Variants in SYT16 observed in about 807,000 individuals in gnomAD.
The protein encoded by SYT16 is synaptotagmin 16.
In SYT16, 42 loss-of-function variants were observed where a neutral mutation model predicts 61.4. The ratio of observed to expected loss-of-function variants is 0.68; its 90% CI spans 0.53 to 0.89. SYT16 has a LOEUF of 0.89. Among genes scored for constraint, SYT16 ranks in the 40% least tolerant of loss-of-function variants. The pLI is 0.00. For synonymous variants in SYT16, 314 were observed against 302.3 expected (o/e 1.04, Z -0.40); for missense variants, 804 against 807.3 (o/e 1.00, Z 0.05).
chr14:61,952,691 A>G (rs963674929), intron 1 of SYT16, among the ~76,000 whole-genome samples: 2 of 152,140 alleles, frequency 1.3e-5, no homozygotes, highest in African/African-American at 4.8e-5. Flanking sequence ...TTGAAAAATG[A>G]TTGGTTGCTA....
intron 3 of SYT16, among the ~76,000 whole-genome samples, chr14:62,042,320 A>G (rs556578539): frequency 3.3e-5 from 5 of 152,124 alleles, no homozygotes; most frequent in Non-Finnish European, 7.4e-5. Flanking sequence ...TTTTGATTGA[A>G]TATCACACAT....
intron 2 of SYT16, among the ~76,000 whole-genome samples, chr14:61,983,538 T>C (rs769396173): frequency 6.6e-6 from 1 of 152,198 alleles, no homozygotes; most frequent in Non-Finnish European, 1.5e-5. Flanking sequence ...TCTGTTTTTG[T>C]TTTTAGAGAT....
At chr14:62,067,600 A>G (rs1446897335) in intron 3 of SYT16, among the ~76,000 whole-genome samples, 1 of 152,176 alleles carries the variant, frequency 6.6e-6, no homozygotes, top group Non-Finnish European at 1.5e-5. Flanking sequence ...AACACAAAAG[A>G]CATCGTGTGT....
chr14:62,011,855 A>AGT (rs1320057949), intron 3 of SYT16, among the ~76,000 whole-genome samples: 31 of 140,274 alleles, frequency 2.2e-4, no homozygotes, highest in African/African-American at 8.3e-4. Context: ...GTCTACCACA[A>AGT]GTCAGGGAAC....
intron 2 of SYT16, among the ~76,000 whole-genome samples, chr14:61,988,342 G>A (rs1473529600): frequency 6.6e-6 from 1 of 152,146 alleles, no homozygotes; most frequent in African/African-American, 2.4e-5. Context: ...TAAAAATATT[G>A]TGTCATTAAA....
intron 2 of SYT16, among the ~76,000 whole-genome samples, chr14:61,972,253 G>A (rs894413534): frequency 6.6e-6 from 1 of 152,194 alleles, no homozygotes; most frequent in Non-Finnish European, 1.5e-5. Context: ...ATTAAAGTTG[G>A]TGATGTTTTC....
intron 7 of SYT16, among the ~76,000 whole-genome samples, chr14:62,100,034 A>G (rs374137794): frequency 5.3e-5 from 8 of 152,362 alleles, no homozygotes; most frequent in African/African-American, 1.4e-4. Flanking sequence ...CAAAATGTGT[A>G]TATTTATCTT....
At chr14:61,878,922 G>A (rs928184698) in intron 1 of SYT16, among the ~76,000 whole-genome samples, 1 of 152,142 alleles carries the variant, frequency 6.6e-6, no homozygotes, top group African/African-American at 2.4e-5. Flanking sequence ...TTTATCTAGA[G>A]GCAATGTCTA....
intron 1 of SYT16, among the ~76,000 whole-genome samples, chr14:61,875,424 G>A (rs1878385666): frequency 1.3e-5 from 2 of 152,200 alleles, no homozygotes; most frequent in South Asian, 2.1e-4. Flanking sequence ...AATTAGGAAA[G>A]AGATGGACAA....
At chr14:61,854,306 C>A (rs1594762960) in intron 1 of SYT16, among the ~76,000 whole-genome samples, 2 of 152,064 alleles carry the variant, frequency 1.3e-5, no homozygotes, top group East Asian at 3.8e-4. Flanking sequence ...CCACTTTTTT[C>A]AAAAGGGGCT....
chr14:61,888,111 A>ATTTCT, intron 1 of SYT16, among the ~76,000 whole-genome samples: 1 of 147,600 alleles, frequency 6.8e-6, no homozygotes, highest in African/African-American at 2.5e-5. Context: ...AATTGGCCTA[A>ATTTCT]TTTCTTTTCT....
At chr14:61,825,451 C>A (rs117193823) in intron 1 of SYT16, among the ~76,000 whole-genome samples, 2,589 of 152,252 alleles carry the variant, frequency 0.017, 42 homozygotes, top group Middle Eastern at 0.048. Context: ...GAGGTGGAGG[C>A]AGGTGGATTC....
At chr14:61,945,243 T>G (rs1034309697) in intron 1 of SYT16, among the ~76,000 whole-genome samples, 4 of 152,156 alleles carry the variant, frequency 2.6e-5, no homozygotes, top group Non-Finnish European at 4.4e-5. Flanking sequence ...CAACAGATGC[T>G]GGAAAGGATG....
intron 1 of SYT16, among the ~76,000 whole-genome samples, chr14:61,935,703 C>T (rs751110879): frequency 3.3e-5 from 5 of 152,104 alleles, no homozygotes; most frequent in Non-Finnish European, 5.9e-5. Flanking sequence ...TGGATGTGTC[C>T]CATGTGGGCT....
chr14:62,006,196 G>T (rs957576803), intron 3 of SYT16, among the ~76,000 whole-genome samples: 1 of 152,010 alleles, frequency 6.6e-6, no homozygotes, highest in Non-Finnish European at 1.5e-5. Context: ...GTTTTGTTTT[G>T]TTTTTGTTTT....
At chr14:61,953,337 T>C (rs2050743872) in intron 1 of SYT16, among the ~76,000 whole-genome samples, 1 of 152,190 alleles carries the variant, frequency 6.6e-6, no homozygotes, top group African/African-American at 2.4e-5. Context: ...GTAGTATCTG[T>C]GATTATGCTG....
chr14:61,948,237 A>G (rs1316422945), intron 1 of SYT16, among the ~76,000 whole-genome samples: 1 of 152,060 alleles, frequency 6.6e-6, no homozygotes. Flanking sequence ...GCGTAAGTGT[A>G]TGTGTGTAAA....
intron 3 of SYT16, among the ~76,000 whole-genome samples, chr14:62,059,158 A>C (rs1212936797): frequency 5.9e-5 from 9 of 152,092 alleles, no homozygotes; most frequent in Non-Finnish European, 1.5e-5. Flanking sequence ...TAATCTGTAC[A>C]AAAAAACCCC....
chr14:62,091,918 A>G (rs553577807), intron 7 of SYT16, among the ~76,000 whole-genome samples: 25 of 152,286 alleles, frequency 1.6e-4, no homozygotes, highest in Admixed American at 9.8e-4. Flanking sequence ...GACCACCCAT[A>G]GAATGGGAGA....
Sources: allele counts gnomAD v4.1 joint callset (sites outside exome capture counted in the v4.1 genomes callset), GRCh38; gene constraint gnomAD v4.1.1; transcripts MANE v1.5; gene names NCBI Gene and HGNC (gene_info 2026-07-23, HGNC 2026-07-21).